Variants in DIRAS2 observed in about 807,000 individuals in gnomAD.
DIRAS2 encodes GTP-binding protein Di-Ras2.
DIRAS2 carries 5 observed loss-of-function variants against 13.9 expected under a neutral mutation model. The observed-to-expected ratio is 0.36, with a 90% CI of 0.19 to 0.76. DIRAS2 has a LOEUF of 0.76. Ranked by LOEUF, DIRAS2 falls within the 30% of genes least tolerant of loss-of-function variation. DIRAS2 has a pLI of 0.53. For synonymous variants in DIRAS2, 111 were observed against 105.4 expected (o/e 1.05, Z -0.33); for missense variants, 191 against 263.0 (o/e 0.73, Z 1.89).
intron 1 of DIRAS2, among the ~76,000 whole-genome samples, chr9:90,619,226 G>A (rs1452445518): frequency 1.3e-5 from 2 of 152,110 alleles, no homozygotes; most frequent in African/African-American, 4.8e-5. Flanking sequence ...GATCACCTGA[G>A]GTCAGGAGTT....
intron 1 of DIRAS2, among the ~76,000 whole-genome samples, chr9:90,638,402 T>C (rs1169058884): frequency 6.6e-6 from 1 of 152,274 alleles, no homozygotes; most frequent in African/African-American, 2.4e-5. Context: ...CCAGTAGTTC[T>C]ATCTCTTCTT....
At chr9:90,623,326 C>A (rs1730287021) in intron 1 of DIRAS2, among the ~76,000 whole-genome samples, 1 of 152,126 alleles carries the variant, frequency 6.6e-6, no homozygotes, top group African/African-American at 2.4e-5. Context: ...GACAGGCCAT[C>A]CCCTGAATGG....
chr9:90,620,228 C>A lies in DIRAS2; in HGVS notation c.-36-6365G>T, dbSNP rs1056291273. ...TACTTAAAAACAGACATGAGGAGGG[C>A]CAGTAATCCACTGCATATAGTCCAT... On this transcript the variant is annotated intron_variant, in intron 1 of 1. Coordinates refer to ENST00000375765, the MANE Select transcript of DIRAS2 (RefSeq NM_017594.5). Among the ~76,000 whole-genome samples the A allele has an allele frequency of 1.3e-4, 20 of 152,146 alleles. 1 individual carries two copies. The highest frequency in any genetic ancestry group is 1.1e-3 in the Admixed American group (17 of 15,264).
intron 1 of DIRAS2, among the ~76,000 whole-genome samples, chr9:90,620,450 T>G (rs1285048137): frequency 6.6e-6 from 1 of 152,122 alleles, no homozygotes; most frequent in Non-Finnish European, 1.5e-5. Flanking sequence ...ATTAACATAT[T>G]AATACCTTAA....
At chr9:90,638,552 G>A (rs1825391002) in intron 1 of DIRAS2, among the ~76,000 whole-genome samples, 1 of 152,138 alleles carries the variant, frequency 6.6e-6, no homozygotes, top group Non-Finnish European at 1.5e-5. Context: ...GTAAAGAGAA[G>A]GAAGCAAAAG....
intron 1 of DIRAS2, among the ~76,000 whole-genome samples, chr9:90,632,359 C>T (rs761170900): frequency 6.6e-6 from 1 of 152,160 alleles, no homozygotes; most frequent in Non-Finnish European, 1.5e-5. Flanking sequence ...GACCTTTGCC[C>T]TGGTTGCTCC....
intron 1 of DIRAS2, among the ~76,000 whole-genome samples, chr9:90,636,239 G>A (rs145317166): frequency 0.032 from 4,873 of 151,548 alleles, 123 homozygotes; most frequent in South Asian, 0.12. Context: ...GGGGTTTCAC[G>A]GTGTTAGCCA....
At chr9:90,640,704 T>C (rs1461392553) in intron 1 of DIRAS2, among the ~76,000 whole-genome samples, 1 of 152,194 alleles carries the variant, frequency 6.6e-6, no homozygotes, top group East Asian at 1.9e-4. Context: ...TGGGGATGGT[T>C]GTTATCTGAA....
At chr9:90,614,127 G>C (rs1456282190) in intron 1 of DIRAS2, among the ~76,000 whole-genome samples, 2 of 152,030 alleles carry the variant, frequency 1.3e-5, no homozygotes, top group African/African-American at 2.4e-5. Flanking sequence ...CCTAAGCCCA[G>C]GTAAAAGATG....
At position 90,610,722 on chromosome 9, in the gene DIRAS2, C is replaced by A; in HGVS notation, c.*2506G>T. 3.4e-6 allele frequency: 1 copy of A among 297,192 alleles called. No individual in the cohort carries two copies. Among genetic ancestry groups the A allele is most frequent in the Non-Finnish European group, 6.1e-6 (1 of 163,478 alleles). The allele number at this position is 297,192 out of a possible 1,614,324, so 18.4% of individuals were successfully genotyped here. A position where few individuals can be genotyped will look rare whatever the true frequency, so the allele number is the denominator to read the frequency against. On this transcript the variant is annotated 3_prime_UTR_variant, in exon 2 of 2. Transcript: ENST00000375765. ...ATTTTGAGATAACCATTGATATCCTCAGTTCAGCTCATAGAAAACGATCTC... is the reference window on the plus strand; with the variant it reads ...ATTTTGAGATAACCATTGATATCCTAAGTTCAGCTCATAGAAAACGATCTC...
intron 1 of DIRAS2, among the ~76,000 whole-genome samples, chr9:90,620,934 A>C (rs2118552581): frequency 6.6e-6 from 1 of 152,320 alleles, no homozygotes; most frequent in African/African-American, 2.4e-5. Context: ...TATTCATTTA[A>C]AATTATCATG....
At chr9:90,622,112 C>T (rs966908120) in intron 1 of DIRAS2, among the ~76,000 whole-genome samples, 5 of 151,962 alleles carry the variant, frequency 3.3e-5, no homozygotes, top group Admixed American at 6.6e-5. Context: ...GTAAGCTAGG[C>T]GTGATAGCAC....
chr9:90,617,383 A>G (rs1038919357), intron 1 of DIRAS2, among the ~76,000 whole-genome samples: 1 of 152,242 alleles, frequency 6.6e-6, no homozygotes, highest in Non-Finnish European at 1.5e-5. Flanking sequence ...ATACACAAAC[A>G]GCACTATAAT....
intron 1 of DIRAS2, among the ~76,000 whole-genome samples, chr9:90,624,306 G>T (rs10993611): frequency 0.17 from 25,750 of 152,140 alleles, 2,258 homozygotes; most frequent in South Asian, 0.26. Flanking sequence ...AAAAATGATA[G>T]ATTTGTTAGT....
intron 1 of DIRAS2, among the ~76,000 whole-genome samples, chr9:90,634,591 C>A (rs1825354749): frequency 6.6e-6 from 1 of 152,160 alleles, no homozygotes; most frequent in Non-Finnish European, 1.5e-5. Context: ...CATATGAATT[C>A]AGAGTCAGGA....
At chr9:90,642,457 A>G (rs1825427071) in intron 1 of DIRAS2, among the ~76,000 whole-genome samples, 1 of 152,210 alleles carries the variant, frequency 6.6e-6, no homozygotes, top group Admixed American at 6.5e-5. Context: ...AAACACCTGC[A>G]CAGTAGAATT....
In DIRAS2 at chr9:90,613,074, G is replaced by T; in HGVS notation, c.*154C>A. The T allele has an allele frequency of 8.8e-7, 1 of 1,140,618 alleles. No individual in the cohort carries two copies. The highest frequency in any genetic ancestry group is 1.2e-6 in the Non-Finnish European group (1 of 819,598). The allele number at this position is 1,140,618 out of a possible 1,614,324, so 70.7% of individuals were successfully genotyped here. A position where few individuals can be genotyped will look rare whatever the true frequency, so the allele number is the denominator to read the frequency against. On this transcript the variant is annotated 3_prime_UTR_variant, in exon 2 of 2. Transcript: ENST00000375765. This position sits in a 1 kb window ranked among gnomAD's most constrained non-coding sequence, Gnocchi z 5.6. ...GAGTGGGTGGCTTACTGTTGGTGGT[G>T]TGAAACGCCCTCTTAAGGACAATAG... is the stretch of plus-strand genomic sequence containing the variant.
intron 1 of DIRAS2, among the ~76,000 whole-genome samples, chr9:90,640,333 G>A (rs1038333533): frequency 6.6e-6 from 1 of 152,172 alleles, no homozygotes; most frequent in Non-Finnish European, 1.5e-5. Flanking sequence ...GAGAGAATGA[G>A]GGAGCATTTG....
At chr9:90,621,129 G>T (rs550493597) in intron 1 of DIRAS2, among the ~76,000 whole-genome samples, 2 of 152,114 alleles carry the variant, frequency 1.3e-5, no homozygotes, top group African/African-American at 4.8e-5. Context: ...AAGTGACATT[G>T]GGGGGTGTGA....
Sources: allele counts gnomAD v4.1 joint callset (sites outside exome capture counted in the v4.1 genomes callset), GRCh38; gene constraint gnomAD v4.1.1; non-coding constraint Gnocchi (gnomAD v3.1); transcripts MANE v1.5; gene names NCBI Gene and HGNC (gene_info 2026-07-23, HGNC 2026-07-21).